Variants in RANBP10 observed in about 807,000 individuals in gnomAD.
RANBP10 encodes RAN binding protein 10, also known as ran-binding protein 10.
Under a neutral mutation model 72.8 loss-of-function variants are expected in RANBP10, and 24 were observed. The ratio of observed to expected loss-of-function variants is 0.33; its 90% confidence interval spans 0.24 to 0.46. The LOEUF is 0.46. Ranked by LOEUF, RANBP10 falls within the 20% of genes least tolerant of loss-of-function variation. RANBP10 has a pLI of 1.00. For synonymous variants in RANBP10, 310 were observed against 322.3 expected, an observed-to-expected ratio of 0.96 and a Z score of 0.41; for missense variants, 679 against 817.5, an observed-to-expected ratio of 0.83 and a Z score of 2.07.
intron 2 of RANBP10, among the ~76,000 whole-genome samples, chr16:67,795,852 C>T (rs2055122488): frequency 6.7e-6 from 1 of 149,238 alleles, no homozygotes; most frequent in Non-Finnish European, 1.5e-5. Flanking sequence ...GAGACTCCGT[C>T]TCAAAAATAA....
chr16:67,800,504 G>C (rs1201770400), intron 2 of RANBP10, among the ~76,000 whole-genome samples: 2 of 152,166 alleles, frequency 1.3e-5, no homozygotes, highest in Non-Finnish European at 2.9e-5. Flanking sequence ...GACACCCACA[G>C]GTCCATGAAC....
chr16:67,806,160 C>G, intron 1 of RANBP10, 142 bp downstream of exon 1: 1 of 809,406 alleles, frequency 1.2e-6, no homozygotes, highest in Non-Finnish European at 1.9e-6. Flanking sequence ...TTCAGCCTCA[C>G]CACCCTGGAC....
intron 2 of RANBP10, among the ~76,000 whole-genome samples, chr16:67,783,038 A>G (rs189274630): frequency 2.4e-4 from 37 of 151,840 alleles, no homozygotes; most frequent in African/African-American, 8.2e-4. Flanking sequence ...TCCACCTAGC[A>G]CCCCGAGTCT....
intron 3 of RANBP10, among the ~76,000 whole-genome samples, chr16:67,750,727 A>T (rs1286372977): frequency 6.6e-6 from 1 of 151,498 alleles, no homozygotes; most frequent in Non-Finnish European, 1.5e-5. Flanking sequence ...AGGAGGTATA[A>T]GACATAAGCT....
chr16:67,783,118 G>A (rs2054844683), intron 2 of RANBP10, among the ~76,000 whole-genome samples: 1 of 152,100 alleles, frequency 6.6e-6, no homozygotes, highest in Admixed American at 6.6e-5. Flanking sequence ...GCTGAGCAGA[G>A]GCCCTGAGGT....
chr16:67,747,935 G>A (rs146580146), intron 3 of RANBP10, among the ~76,000 whole-genome samples: 315 of 144,852 alleles, frequency 2.2e-3, no homozygotes, highest in African/African-American at 6.7e-3. Flanking sequence ...ATTCTCCCAC[G>A]TCAGTCTCCC....
chr16:67,771,188 G>A (rs192615963), intron 3 of RANBP10, among the ~76,000 whole-genome samples: 32 of 151,704 alleles, frequency 2.1e-4, no homozygotes, highest in Non-Finnish European at 3.8e-4. Context: ...CTGGGAGGTC[G>A]AGGCTGCAGT....
At chr16:67,743,284 C>G (rs775572143) in intron 4 of RANBP10, among the ~76,000 whole-genome samples, 5 of 152,238 alleles carry the variant, frequency 3.3e-5, no homozygotes, top group Non-Finnish European at 7.3e-5. Flanking sequence ...CCTGGCAGAG[C>G]TGCTGGCAGC....
At chr16:67,795,076 C>T (rs1045523025) in intron 2 of RANBP10, among the ~76,000 whole-genome samples, 1 of 151,444 alleles carries the variant, frequency 6.6e-6, no homozygotes, top group Non-Finnish European at 1.5e-5. Context: ...TGGTGAAATT[C>T]CATTTCTACT....
At chr16:67,770,723 C>G (rs1465681523) in intron 3 of RANBP10, among the ~76,000 whole-genome samples, 1 of 152,172 alleles carries the variant, frequency 6.6e-6, no homozygotes, top group Non-Finnish European at 1.5e-5. Flanking sequence ...CAGTCCAGGT[C>G]TAGGTATGAG....
intron 3 of RANBP10, among the ~76,000 whole-genome samples, chr16:67,768,731 C>T (rs950597731): frequency 6.6e-6 from 1 of 151,972 alleles, no homozygotes; most frequent in Non-Finnish European, 1.5e-5. Context: ...AAAAAAAGAA[C>T]ATATGAAGCA....
intron 2 of RANBP10, among the ~76,000 whole-genome samples, chr16:67,792,558 T>C (rs1048488453): frequency 2.2e-5 from 3 of 134,412 alleles, no homozygotes; most frequent in Non-Finnish European, 3.1e-5. Flanking sequence ...CGAGACTCCA[T>C]CTCAAAAAAA....
At chr16:67,758,061 T>C (rs1269074325) in intron 3 of RANBP10, among the ~76,000 whole-genome samples, 2 of 152,012 alleles carry the variant, frequency 1.3e-5, no homozygotes, top group Non-Finnish European at 1.5e-5. Flanking sequence ...CAAGGAACAA[T>C]ACAGCTAGCA....
At chr16:67,796,009 C>G (rs993845981) in intron 2 of RANBP10, among the ~76,000 whole-genome samples, 1 of 150,850 alleles carries the variant, frequency 6.6e-6, no homozygotes, top group South Asian at 2.1e-4. Context: ...CTCCACCTCC[C>G]GCGTTCAAGT....
At chr16:67,789,118 T>G (rs1184611863) in intron 2 of RANBP10, among the ~76,000 whole-genome samples, 1 of 151,302 alleles carries the variant, frequency 6.6e-6, no homozygotes, top group Non-Finnish European at 1.5e-5. Context: ...AAGACCAGCC[T>G]GGCCAATATG....
At chr16:67,758,476 G>A (rs1248695280) in intron 3 of RANBP10, among the ~76,000 whole-genome samples, 3 of 152,150 alleles carry the variant, frequency 2.0e-5, no homozygotes, top group Non-Finnish European at 2.9e-5. Flanking sequence ...GGTCCTGAGC[G>A]ACGGCCAACC....
At chr16:67,782,667 GC>G (rs2054834389) in intron 2 of RANBP10, among the ~76,000 whole-genome samples, 1 of 151,648 alleles carries the variant, frequency 6.6e-6, no homozygotes, top group African/African-American at 2.4e-5. Context: ...TGTTGGCCAG[GC>G]TGGTCAACTC....
chr16:67,753,614 G>A (rs563615480), intron 3 of RANBP10, among the ~76,000 whole-genome samples: 3 of 152,302 alleles, frequency 2.0e-5, no homozygotes, highest in African/African-American at 4.8e-5. Flanking sequence ...GAGGTCTGCT[G>A]GACAAGAGGA....
intron 2 of RANBP10, among the ~76,000 whole-genome samples, chr16:67,803,794 C>T (rs2143032601): frequency 7.0e-6 from 1 of 142,366 alleles, no homozygotes; most frequent in East Asian, 2.1e-4. Flanking sequence ...TGCCACTGCA[C>T]TTCAGCGTGG....
Sources: allele counts gnomAD v4.1 joint callset (sites outside exome capture counted in the v4.1 genomes callset), GRCh38; gene constraint gnomAD v4.1.1; transcripts MANE v1.5; gene names NCBI Gene and HGNC (gene_info 2026-07-23, HGNC 2026-07-21).